Variants in SMYD3 observed in about 807,000 individuals in gnomAD.
SMYD3 encodes histone-lysine N-methyltransferase SMYD3.
Under a neutral mutation model 57.7 loss-of-function variants are expected in SMYD3, and 36 were observed. That is an observed-to-expected ratio of 0.62 (90% confidence interval 0.48 to 0.82). The LOEUF is 0.82. Among genes scored for constraint, SMYD3 ranks in the 40% least tolerant of loss-of-function variants. SMYD3 has a pLI of 0.00. For missense variants in SMYD3, 515 were observed against 538.8 expected (o/e 0.96, Z 0.44); for synonymous variants, 211 against 195.0 (o/e 1.08, Z -0.68).
chr1:246,368,472 T>C (rs1366539817), intron 1 of SMYD3, among the ~76,000 whole-genome samples: 2 of 152,188 alleles, frequency 1.3e-5, no homozygotes, highest in East Asian at 1.9e-4. Context: ...AAACTTCCTA[T>C]AGAGAAAAAA....
chr1:246,173,910 T>C (rs111817620), intron 5 of SMYD3, among the ~76,000 whole-genome samples: 2,263 of 152,140 alleles, frequency 0.015, 56 homozygotes, highest in African/African-American at 0.053. Context: ...GGGCTCAAGC[T>C]ATCCTCCCAC....
intron 5 of SMYD3, among the ~76,000 whole-genome samples, chr1:246,312,992 G>A (rs1431252212): frequency 2.6e-5 from 4 of 152,066 alleles, no homozygotes; most frequent in African/African-American, 9.7e-5. Flanking sequence ...TCGGCTCACT[G>A]CAACCTCTAC....
intron 11 of SMYD3, among the ~76,000 whole-genome samples, 162 bp downstream of exon 11, chr1:245,763,879 G>T (rs2045960203): frequency 2.0e-5 from 3 of 152,184 alleles, no homozygotes; most frequent in South Asian, 2.1e-4. Flanking sequence ...TCATGAAGCA[G>T]GTTTTTTCCA....
At chr1:245,967,570 C>T (rs2066028) in intron 5 of SMYD3, among the ~76,000 whole-genome samples, 43,336 of 152,028 alleles carry the variant, frequency 0.29, 6,811 homozygotes, top group East Asian at 0.62. Context: ...GCAAGAAAGG[C>T]TGGCCTGTGA....
In SMYD3 at chr1:246,400,088, CAA is replaced by C. The variant is rs1345378459; in HGVS notation, c.165-44996_165-44995del. Among the ~76,000 whole-genome samples, 15 of 152,266 alleles carry C rather than the reference CAA, an allele frequency of 9.9e-5. No individual in the cohort carries two copies. The East Asian group carries it at 2.9e-3, about 29-fold the overall frequency. On this transcript the variant is annotated intron_variant, in intron 1 of 11. Coordinates refer to ENST00000490107, the MANE Select transcript of SMYD3 (RefSeq NM_001167740.2). The stretch of plus-strand genomic sequence containing the variant: ...CCAAAAGAAAAAAAAAGGTAAAGAT[CAA>C]AAGTTATATATTTCAGATATATAAT...
chr1:246,138,046 C>T (rs190224074), intron 5 of SMYD3, among the ~76,000 whole-genome samples: 1 of 152,170 alleles, frequency 6.6e-6, no homozygotes, highest in East Asian at 1.9e-4. Flanking sequence ...TGTAAAATAC[C>T]TTTAATGATA....
At chr1:245,899,476 T>C (rs769525499) in intron 8 of SMYD3, among the ~76,000 whole-genome samples, 3 of 152,214 alleles carry the variant, frequency 2.0e-5, no homozygotes, top group Non-Finnish European at 4.4e-5. Flanking sequence ...TCTAGTGTAA[T>C]TCTTTAATGT....
At chr1:245,858,846 C>G (rs1484041818) in intron 9 of SMYD3, among the ~76,000 whole-genome samples, 176 bp from the exon 10 acceptor site, 1 of 152,196 alleles carries the variant, frequency 6.6e-6, no homozygotes, top group East Asian at 1.9e-4. Flanking sequence ...GAAGAGGCAT[C>G]TCAGTGAAGT....
At chr1:246,020,109 G>A (rs1299561869) in intron 5 of SMYD3, among the ~76,000 whole-genome samples, 2 of 152,164 alleles carry the variant, frequency 1.3e-5, no homozygotes, top group Admixed American at 6.5e-5. Flanking sequence ...TATGGGGTCC[G>A]TCTGAACGTA....
intron 2 of SMYD3, among the ~76,000 whole-genome samples, chr1:246,350,440 G>C (rs1050955943): frequency 6.6e-6 from 1 of 152,222 alleles, no homozygotes; most frequent in Non-Finnish European, 1.5e-5. Flanking sequence ...CATGGTAACA[G>C]GTAGTACTAA....
chr1:245,799,969 T>C (rs1417122959), intron 10 of SMYD3, among the ~76,000 whole-genome samples: 1 of 152,240 alleles, frequency 6.6e-6, no homozygotes, highest in African/African-American at 2.4e-5. Context: ...GGCATCACTT[T>C]GAAGCCACTC....
chr1:246,215,966 G>A (rs556276515), intron 5 of SMYD3, among the ~76,000 whole-genome samples: 6 of 152,174 alleles, frequency 3.9e-5, no homozygotes, highest in South Asian at 2.1e-4. Flanking sequence ...AATAGAGAGC[G>A]AAAGATGGAG....
chr1:246,425,576 T>TA (rs1419330126), intron 1 of SMYD3, among the ~76,000 whole-genome samples: 2 of 152,178 alleles, frequency 1.3e-5, no homozygotes, highest in Non-Finnish European at 2.9e-5. Flanking sequence ...AATGAATAAA[T>TA]ACTCCCGCTT....
intron 1 of SMYD3, among the ~76,000 whole-genome samples, chr1:246,490,001 C>CTTTT (rs71968916): frequency 4.3e-5 from 4 of 92,310 alleles, no homozygotes; most frequent in Non-Finnish European, 6.4e-5. Flanking sequence ...TAATTTTTTC[C>CTTTT]TTTTTTTTTT....
intron 10 of SMYD3, among the ~76,000 whole-genome samples, chr1:245,849,908 C>T (rs1414702248): frequency 6.6e-6 from 1 of 152,202 alleles, no homozygotes; most frequent in African/African-American, 2.4e-5. Context: ...CTGCCTTGGC[C>T]TCCCAAAGTG....
chr1:246,438,849 C>T (rs969584311), intron 1 of SMYD3, among the ~76,000 whole-genome samples: 2 of 151,342 alleles, frequency 1.3e-5, no homozygotes, highest in South Asian at 4.2e-4. Flanking sequence ...AGATCCCTCA[C>T]ATGCACAGTT....
At chr1:246,353,670 A>C (rs1422306840) in intron 2 of SMYD3, among the ~76,000 whole-genome samples, 2 of 152,206 alleles carry the variant, frequency 1.3e-5, no homozygotes, top group Non-Finnish European at 2.9e-5. Flanking sequence ...TCATTCCTGA[A>C]ACTTCAGAGC....
intron 8 of SMYD3, among the ~76,000 whole-genome samples, chr1:245,871,486 C>G (rs2052189174): frequency 6.6e-6 from 1 of 152,142 alleles, no homozygotes; most frequent in Non-Finnish European, 1.5e-5. Flanking sequence ...AGTCAGTGGA[C>G]ATTATAGGCT....
At chr1:245,974,459 A>T (rs1288033301) in intron 5 of SMYD3, among the ~76,000 whole-genome samples, 1 of 150,094 alleles carries the variant, frequency 6.7e-6, no homozygotes, top group Admixed American at 6.7e-5. Flanking sequence ...TCCTATGCCA[A>T]CCTCCTAAAG....
Sources: allele counts gnomAD v4.1 joint callset (sites outside exome capture counted in the v4.1 genomes callset), GRCh38; gene constraint gnomAD v4.1.1; transcripts MANE v1.5; gene names NCBI Gene and HGNC (gene_info 2026-07-23, HGNC 2026-07-21).